VOPP1: variants seen among roughly 807,000 people sequenced by gnomAD.
The protein encoded by VOPP1 is WW domain binding protein VOPP1.
Under a neutral mutation model 23.5 loss-of-function variants are expected in VOPP1, and 8 were observed. The ratio of observed to expected loss-of-function variants is 0.34; its 90% CI spans 0.20 to 0.61. The LOEUF (loss-of-function observed/expected upper bound fraction) is 0.61, where lower values mean the gene tolerates loss of function less well. Among genes scored for constraint, VOPP1 ranks in the 20% least tolerant of loss-of-function variants. The pLI, the probability that VOPP1 is intolerant of heterozygous loss-of-function variation, is 0.78. For missense variants in VOPP1, 174 were observed against 238.1 expected (o/e 0.73, Z 1.77); for synonymous variants, 83 against 97.3 (o/e 0.85, Z 0.86).
intron 1 of VOPP1, among the ~76,000 whole-genome samples, chr7:55,555,554 A>G (rs182639571): frequency 1.3e-5 from 2 of 152,330 alleles, no homozygotes; most frequent in African/African-American, 4.8e-5. Context: ...TAGGTGCCAG[A>G]TAAGATCCAG....
chr7:55,435,191 G>A (rs932782506), downstream of VOPP1, among the ~76,000 whole-genome samples: 1 of 152,186 alleles, frequency 6.6e-6, no homozygotes, highest in Non-Finnish European at 1.5e-5. Context: ...AGCCCACTAC[G>A]TTGCATGCAG....
chr7:55,568,028 C>T (rs1798218071), intron 1 of VOPP1, among the ~76,000 whole-genome samples: 1 of 151,908 alleles, frequency 6.6e-6, no homozygotes, highest in African/African-American at 2.4e-5. Context: ...ATTATTTTTC[C>T]CTAGTTCAAA....
chr7:55,465,445 C>T (rs1791609482), intron 4 of VOPP1, among the ~76,000 whole-genome samples: 1 of 152,156 alleles, frequency 6.6e-6, no homozygotes. Flanking sequence ...TTTACATGAT[C>T]GTAGTCTGAA....
At chr7:55,559,522 A>T (rs901682506) in intron 1 of VOPP1, among the ~76,000 whole-genome samples, 1 of 152,182 alleles carries the variant, frequency 6.6e-6, no homozygotes, top group African/African-American at 2.4e-5. Context: ...GGAAGTGATA[A>T]AAGCATCAAT....
chr7:55,493,702 G>A (rs1009716849), intron 3 of VOPP1, among the ~76,000 whole-genome samples: 9 of 152,094 alleles, frequency 5.9e-5, no homozygotes, highest in Non-Finnish European at 1.0e-4. Flanking sequence ...GGGGCCCCCC[G>A]ACCCCGCCAA....
At chr7:55,459,576 A>G (rs891653819) in intron 4 of VOPP1, among the ~76,000 whole-genome samples, 4 of 152,064 alleles carry the variant, frequency 2.6e-5, no homozygotes, top group African/African-American at 7.2e-5. Flanking sequence ...CAGGTTTTCT[A>G]TTTCTTCCAG....
intron 4 of VOPP1, among the ~76,000 whole-genome samples, chr7:55,478,035 TC>T (rs1792404699): frequency 6.6e-6 from 1 of 151,068 alleles, no homozygotes. Context: ...CCATTCAGGC[TC>T]CCACAAAGAA....
At chr7:55,456,408 G>C (rs552442530) in intron 4 of VOPP1, among the ~76,000 whole-genome samples, 3 of 152,156 alleles carry the variant, frequency 2.0e-5, no homozygotes, top group Non-Finnish European at 4.4e-5. Flanking sequence ...CAAGGATCTA[G>C]AACTAGAAAT....
chr7:55,441,386 A>G (rs927880371), intron 4 of VOPP1, among the ~76,000 whole-genome samples: 4 of 152,168 alleles, frequency 2.6e-5, no homozygotes, highest in Non-Finnish European at 4.4e-5. Context: ...AAACTCCTGT[A>G]TTCCACACCC....
chr7:55,436,304 T>C (rs1790820524), intron 4 of VOPP1: 1 of 152,264 alleles, frequency 6.6e-6, no homozygotes, highest in African/African-American at 2.4e-5. Flanking sequence ...TGTGGGAACT[T>C]GGTCAAGTTA....
At chr7:55,567,893 G>C (rs573777290) in intron 1 of VOPP1, among the ~76,000 whole-genome samples, 1 of 152,210 alleles carries the variant, frequency 6.6e-6, no homozygotes, top group South Asian at 2.1e-4. Context: ...ACATTTGTTG[G>C]AATTCCAGGG....
intron 1 of VOPP1, among the ~76,000 whole-genome samples, chr7:55,537,207 T>A (rs1011740710): frequency 6.6e-6 from 1 of 152,134 alleles, no homozygotes; most frequent in African/African-American, 2.4e-5. Context: ...CAGGCCTGCA[T>A]ACCCTTCCTT....
chr7:55,527,147 T>G (rs1796238335), intron 1 of VOPP1: 1 of 152,096 alleles, frequency 6.6e-6, no homozygotes, highest in African/African-American at 2.4e-5. Flanking sequence ...TATCTCAAGG[T>G]CTCTGAATTT....
chr7:55,553,360 C>A (rs759024067), intron 1 of VOPP1, among the ~76,000 whole-genome samples: 1 of 152,134 alleles, frequency 6.6e-6, no homozygotes, highest in African/African-American at 2.4e-5. Context: ...TTTAAGGGGA[C>A]TGCTTCCCAG....
At chr7:55,481,339 C>T (rs868447398) in intron 4 of VOPP1, among the ~76,000 whole-genome samples, 8 of 152,166 alleles carry the variant, frequency 5.3e-5, no homozygotes, top group Admixed American at 1.3e-4. Flanking sequence ...GCACAGTGGG[C>T]CCATGAGAGT....
chr7:55,473,110 AG>A (rs1791962344), intron 4 of VOPP1, 65 bp from the exon 5 acceptor site: 1 of 1,548,904 alleles, frequency 6.5e-7, no homozygotes, highest in African/African-American at 1.4e-5. Context: ...AAGTATGTGC[AG>A]GCTGCAGGGC....
chr7:55,537,463 G>A (rs1046891364), intron 1 of VOPP1: 18 of 1,535,866 alleles, frequency 1.2e-5, no homozygotes, highest in East Asian at 2.4e-5. Flanking sequence ...CTCTGGGCCA[G>A]GCTTCACAGC....
Position 55,552,455 on chromosome 7 carries a change from A to G in VOPP1, c.54+19816T>C, listed in dbSNP as rs1797648642. ...ATGACACATATTAAGGATGCCAGCTACCCCTTATTAGACACCCATTATTTT... is the reference window on the plus strand; with the variant it reads ...ATGACACATATTAAGGATGCCAGCTGCCCCTTATTAGACACCCATTATTTT... On this transcript the variant is annotated intron_variant, in intron 1 of 4. Coordinates refer to ENST00000285279, the MANE Select transcript of VOPP1 (RefSeq NM_030796.5). Among the ~76,000 whole-genome samples, 4 of 152,220 alleles carry G rather than the reference A, an allele frequency of 2.6e-5. No individual in the cohort carries two copies. The South Asian group carries it at 8.3e-4, about 32-fold the overall frequency.
downstream of VOPP1, among the ~76,000 whole-genome samples, chr7:55,435,194 G>A (rs1790794269): frequency 6.6e-6 from 1 of 152,184 alleles, no homozygotes; most frequent in Non-Finnish European, 1.5e-5. Context: ...CCACTACGTT[G>A]CATGCAGAAT....
Sources: allele counts gnomAD v4.1 joint callset (sites outside exome capture counted in the v4.1 genomes callset), GRCh38; gene constraint gnomAD v4.1.1; transcripts MANE v1.5; gene names NCBI Gene and HGNC (gene_info 2026-07-23, HGNC 2026-07-21).